The following B3GALT1 variants were observed in gnomAD, a reference collection of about 807,000 sequenced individuals.
B3GALT1 encodes the protein UDP-Gal:betaGlcNAc beta 1,3-galactosyltransferase, polypeptide 1.
A neutral mutation model predicts 23.2 loss-of-function variants in B3GALT1; 10 were observed. The ratio of observed to expected loss-of-function variants is 0.43; its 90% CI spans 0.27 to 0.73. The LOEUF (loss-of-function observed/expected upper bound fraction) is 0.73, where lower values mean the gene tolerates loss of function less well. Among genes scored for constraint, B3GALT1 ranks in the 30% least tolerant of loss-of-function variants. The probability of loss-of-function intolerance (pLI) is 0.21; values close to 1 mark genes in which losing one functional copy is unlikely to be tolerated. For synonymous variants in B3GALT1, 156 were observed against 141.5 expected, an observed-to-expected ratio of 1.10 and a Z score of -0.73; for missense variants, 299 against 405.4, an observed-to-expected ratio of 0.74 and a Z score of 2.25.
At chr2:167,354,975 A>G (rs1697378458) in intron 1 of B3GALT1, among the ~76,000 whole-genome samples, 1 of 152,192 alleles carries the variant, frequency 6.6e-6, no homozygotes, top group African/African-American at 2.4e-5. Flanking sequence ...TTTGCTTATT[A>G]GACACCTCCT....
At chr2:167,806,146 T>G (rs1558985180) in intron 3 of B3GALT1, among the ~76,000 whole-genome samples, 1 of 152,206 alleles carries the variant, frequency 6.6e-6, no homozygotes. Context: ...TATTGGTGTA[T>G]AAGACTGCTT....
At chr2:167,444,905 T>C (rs915354738) in intron 1 of B3GALT1, among the ~76,000 whole-genome samples, 1 of 152,240 alleles carries the variant, frequency 6.6e-6, no homozygotes, top group Non-Finnish European at 1.5e-5. Context: ...TGCCTTCTGC[T>C]AGCTTTTGAA....
intron 1 of B3GALT1, among the ~76,000 whole-genome samples, chr2:167,348,612 A>C (rs1408611717): frequency 6.6e-6 from 1 of 152,172 alleles, no homozygotes; most frequent in Admixed American, 6.5e-5. Flanking sequence ...CTTATGTTCT[A>C]CTAATCTGCT....
intron 3 of B3GALT1, among the ~76,000 whole-genome samples, chr2:167,805,007 A>C (rs1032594891): frequency 6.6e-6 from 1 of 152,130 alleles, no homozygotes; most frequent in Non-Finnish European, 1.5e-5. Flanking sequence ...TGACTTTTTA[A>C]TGATCACCAT....
At chr2:167,467,175 G>A (rs917374333) in intron 1 of B3GALT1, among the ~76,000 whole-genome samples, 5 of 151,898 alleles carry the variant, frequency 3.3e-5, no homozygotes, top group Non-Finnish European at 1.5e-5. Flanking sequence ...CTGACGGGAA[G>A]GGATATTAAG....
At chr2:167,642,609 G>C (rs1048955557) in intron 2 of B3GALT1, among the ~76,000 whole-genome samples, 1 of 152,148 alleles carries the variant, frequency 6.6e-6, no homozygotes, top group Non-Finnish European at 1.5e-5. Flanking sequence ...GGGCGCAGTG[G>C]CTCATGCCTA....
At chr2:167,744,003 GT>G (rs1023562442) in intron 3 of B3GALT1, among the ~76,000 whole-genome samples, 13 of 151,978 alleles carry the variant, frequency 8.6e-5, no homozygotes, top group African/African-American at 2.9e-4. Flanking sequence ...CACTAAAAAG[GT>G]TTTGATTTAT....
At chr2:167,304,416 CAG>C (rs1696514047) in intron 1 of B3GALT1, among the ~76,000 whole-genome samples, 1 of 152,218 alleles carries the variant, frequency 6.6e-6, no homozygotes, top group African/African-American at 2.4e-5. Context: ...TTGTTATACT[CAG>C]TGTTCTCTTT....
intron 4 of B3GALT1, among the ~76,000 whole-genome samples, chr2:167,821,883 T>C (rs1689114827): frequency 6.6e-6 from 1 of 152,226 alleles, no homozygotes; most frequent in Non-Finnish European, 1.5e-5. Context: ...TTAAGGATTT[T>C]TATTTGAGAT....
At chr2:167,708,450 C>T (rs1171559534) in intron 3 of B3GALT1, among the ~76,000 whole-genome samples, 8 of 152,086 alleles carry the variant, frequency 5.3e-5, no homozygotes, top group Admixed American at 2.0e-4. Context: ...CACCTGCTGT[C>T]GGGAGTTCAA....
chr2:167,498,409 G>A (rs547921558), intron 2 of B3GALT1, among the ~76,000 whole-genome samples: 1 of 152,114 alleles, frequency 6.6e-6, no homozygotes, highest in East Asian at 1.9e-4. Flanking sequence ...TAATAACTCA[G>A]TATACTTCTA....
chr2:167,811,024 G>A (rs908026803), intron 3 of B3GALT1, among the ~76,000 whole-genome samples: 1 of 152,176 alleles, frequency 6.6e-6, no homozygotes, highest in African/African-American at 2.4e-5. Context: ...GTATTGCTGT[G>A]GAGGTAGCAA....
At chr2:167,517,205 G>A (rs1700111323) in intron 2 of B3GALT1, among the ~76,000 whole-genome samples, 1 of 151,472 alleles carries the variant, frequency 6.6e-6, no homozygotes, top group African/African-American at 2.4e-5. Flanking sequence ...TTGCTACTTT[G>A]GGGTTTTATT....
intron 1 of B3GALT1, among the ~76,000 whole-genome samples, chr2:167,488,892 A>T (rs1378638925): frequency 1.3e-5 from 2 of 152,074 alleles, no homozygotes; most frequent in African/African-American, 2.4e-5. Context: ...CGATTTATCC[A>T]TAGATGTTTA....
intron 1 of B3GALT1, among the ~76,000 whole-genome samples, chr2:167,339,611 GTGTTTGA>G (rs1405043985): frequency 6.6e-6 from 1 of 152,084 alleles, no homozygotes; most frequent in African/African-American, 2.4e-5. Context: ...TGATACATTG[GTGTTTGA>G]CACGTTAATC....
intron 3 of B3GALT1, among the ~76,000 whole-genome samples, chr2:167,725,386 A>C (rs751164110): frequency 6.6e-6 from 1 of 152,192 alleles, no homozygotes; most frequent in Non-Finnish European, 1.5e-5. Flanking sequence ...TGGTTGAGTC[A>C]TGATTATTTG....
intron 1 of B3GALT1, among the ~76,000 whole-genome samples, chr2:167,479,398 A>G (rs1225084744): frequency 6.6e-6 from 1 of 152,202 alleles, no homozygotes; most frequent in Non-Finnish European, 1.5e-5. Flanking sequence ...ACCCCACAGA[A>G]CAATCTCTTC....
At chr2:167,656,908 C>G (rs1318686410) in intron 3 of B3GALT1, among the ~76,000 whole-genome samples, 1 of 151,946 alleles carries the variant, frequency 6.6e-6, no homozygotes, top group Non-Finnish European at 1.5e-5. Flanking sequence ...ATACCGAGAA[C>G]CTATATTTGT....
intron 3 of B3GALT1, among the ~76,000 whole-genome samples, chr2:167,708,636 G>T (rs993002265): frequency 2.0e-5 from 3 of 152,134 alleles, no homozygotes; most frequent in African/African-American, 7.2e-5. Flanking sequence ...ACTCCAGCCT[G>T]GGCAACAAGA....
Sources: gnomAD v4.1 joint callset for allele counts (sites outside exome capture counted in the v4.1 genomes callset) on GRCh38, gnomAD v4.1.1 for gene constraint, MANE v1.5 for transcripts, NCBI Gene and HGNC (gene_info 2026-07-23, HGNC 2026-07-21) for gene names.